The following GVQW3 variants were observed in gnomAD, a reference collection of about 807,000 sequenced individuals.
The protein encoded by GVQW3 is protein GVQW3.
In GVQW3, 7 loss-of-function variants were observed where a neutral mutation model predicts 12.5. That is an observed-to-expected ratio of 0.56 (90% confidence interval 0.32 to 1.05). The LOEUF (loss-of-function observed/expected upper bound fraction) is 1.05, where lower values mean the gene tolerates loss of function less well. Ranked by LOEUF, GVQW3 falls within the 50% of genes least tolerant of loss-of-function variation. The pLI is 0.04. For synonymous variants in GVQW3, 71 were observed against 67.2 expected (o/e 1.06, Z -0.28); for missense variants, 188 against 190.8 (o/e 0.99, Z 0.09).
chr11:76,398,208 A>T (rs1324005535), intron 1 of GVQW3, among the ~76,000 whole-genome samples: 2 of 152,036 alleles, frequency 1.3e-5, no homozygotes, highest in Non-Finnish European at 2.9e-5. Flanking sequence ...TGGAAGTTTT[A>T]GCAGTCTGCT....
intron 1 of GVQW3, among the ~76,000 whole-genome samples, chr11:76,391,167 A>G (rs1227146221): frequency 6.6e-6 from 1 of 152,194 alleles, no homozygotes; most frequent in Non-Finnish European, 1.5e-5. Context: ...TAAGAAGACA[A>G]AAGAATTCTT....
chr11:76,410,672 A>G (rs868030733), downstream of GVQW3, among the ~76,000 whole-genome samples: 6 of 152,282 alleles, frequency 3.9e-5, no homozygotes, highest in South Asian at 2.1e-4. Flanking sequence ...CCAGGTGTCG[A>G]TTCCAGGAGG....
intron 1 of GVQW3, 65 bp downstream of exon 1, chr11:76,382,358 T>C (rs1590812524): frequency 9.6e-7 from 1 of 1,041,122 alleles, no homozygotes; most frequent in African/African-American, 1.6e-5. Flanking sequence ...CCCCTGCCGG[T>C]ATCCCATCCC....
intron 1 of GVQW3, among the ~76,000 whole-genome samples, chr11:76,388,455 C>T (rs964643181): frequency 6.6e-6 from 1 of 152,118 alleles, no homozygotes; most frequent in African/African-American, 2.4e-5. Context: ...CAGCATTGAA[C>T]AGTCCATTAC....
chr11:76,401,138 G>T (rs1201114466), intron 1 of GVQW3, among the ~76,000 whole-genome samples: 1 of 151,798 alleles, frequency 6.6e-6, no homozygotes, highest in African/African-American at 2.4e-5. Flanking sequence ...CTCCCAAAGT[G>T]CTATAATTAC....
intron 1 of GVQW3, among the ~76,000 whole-genome samples, chr11:76,394,527 T>C (rs964089688): frequency 6.6e-6 from 1 of 152,244 alleles, no homozygotes; most frequent in Non-Finnish European, 1.5e-5. Context: ...GATCTCATTC[T>C]TTTTTATGAC....
chr11:76,382,340 G>T (rs1259767917), intron 1 of GVQW3, 47 bp downstream of exon 1: 1 of 1,235,288 alleles, frequency 8.1e-7, no homozygotes, highest in East Asian at 2.5e-5. Flanking sequence ...GAAGCTGGTG[G>T]GGAAATGCCC....
chr11:76,396,117 T>C (rs1946937096), intron 1 of GVQW3, among the ~76,000 whole-genome samples: 1 of 152,190 alleles, frequency 6.6e-6, no homozygotes, highest in Non-Finnish European at 1.5e-5. Flanking sequence ...TGCCAGGTGG[T>C]ACTCAGAGGT....
Position 76,382,236 on chromosome 11 carries a change from C to T in GVQW3, c.408C>T (p.Asp136=). The part of the protein sequence containing the change: ...LKGEPKPRKL[D]FRSDLSKETR... ...GTGAGCCTAAACCACGAAAACTTGA[C>T]TTTCGGTCCGATCTTTCAAAGGAAA... is the stretch of plus-strand genomic sequence containing the variant. Residue 136 remains aspartate (D), a synonymous_variant, in exon 1 of 2, where the codon GAC becomes GAT. Coordinates refer to ENST00000529331, the MANE Select transcript of GVQW3 (RefSeq NM_001347885.2). The T allele has an allele frequency of 6.5e-7, 1 of 1,535,992 alleles. No homozygotes were observed. The highest frequency in any genetic ancestry group is 1.2e-5 in the South Asian group (1 of 84,060).
chr11:76,394,918 T>C (rs543195444), intron 1 of GVQW3: 4 of 152,342 alleles, frequency 2.6e-5, no homozygotes, highest in South Asian at 2.1e-4. Context: ...ATTGTAGCAA[T>C]GCACATTCTG....
chr11:76,389,213 G>A (rs1330737850), intron 1 of GVQW3, among the ~76,000 whole-genome samples: 1 of 152,186 alleles, frequency 6.6e-6, no homozygotes, highest in Non-Finnish European at 1.5e-5. Context: ...ATACAAAATT[G>A]TATGTATAAA....
intron 1 of GVQW3, among the ~76,000 whole-genome samples, chr11:76,390,647 C>G (rs1946882642): frequency 1.3e-5 from 2 of 151,722 alleles, no homozygotes; most frequent in African/African-American, 4.9e-5. Context: ...CACGGTGAAA[C>G]CCCGTCTCTA....
chr11:76,409,993 A>T (rs1473928989), downstream of GVQW3, among the ~76,000 whole-genome samples: 3 of 152,180 alleles, frequency 2.0e-5, no homozygotes, highest in African/African-American at 7.2e-5. Context: ...TCAGTGGCTC[A>T]TGCCTGTAAT....
downstream of GVQW3, chr11:76,412,556 C>T (rs760655319): frequency 2.0e-5 from 3 of 152,232 alleles, no homozygotes; most frequent in East Asian, 1.9e-4. Context: ...CTCTGAAACT[C>T]AGGCATAAAT....
chr11:76,410,176 G>A (rs902560980), downstream of GVQW3, among the ~76,000 whole-genome samples: 2 of 152,162 alleles, frequency 1.3e-5, no homozygotes, highest in Non-Finnish European at 2.9e-5. Flanking sequence ...GATCACTTGA[G>A]CCCAGGAAAT....
intron 1 of GVQW3, among the ~76,000 whole-genome samples, chr11:76,393,853 T>A (rs1242584299): frequency 6.6e-6 from 1 of 152,116 alleles, no homozygotes; most frequent in African/African-American, 2.4e-5. Context: ...CAAGCATTCA[T>A]CCTTTGTGTT....
At chr11:76,384,788 C>T (rs1946815997) in intron 1 of GVQW3, among the ~76,000 whole-genome samples, 2 of 152,166 alleles carry the variant, frequency 1.3e-5, no homozygotes, top group African/African-American at 2.4e-5. Flanking sequence ...ACATCAGATG[C>T]GGCTCTAGGT....
At chr11:76,392,283 T>G (rs1487131355) in intron 1 of GVQW3, 1 of 152,278 alleles carries the variant, frequency 6.6e-6, no homozygotes, top group African/African-American at 2.4e-5. Flanking sequence ...GCTCTTCTTA[T>G]GTAAGAGAGC....
chr11:76,392,218 T>C (rs1453388188), intron 1 of GVQW3: 1 of 152,176 alleles, frequency 6.6e-6, no homozygotes, highest in Non-Finnish European at 1.5e-5. Context: ...AGGGTGATTG[T>C]GAAAAAGAGA....
Sources: allele counts gnomAD v4.1 joint callset (sites outside exome capture counted in the v4.1 genomes callset), GRCh38; gene constraint gnomAD v4.1.1; transcripts MANE v1.5; gene names NCBI Gene and HGNC (gene_info 2026-07-23, HGNC 2026-07-21).